MAGI1: variants seen among roughly 807,000 people sequenced by gnomAD.
MAGI1 encodes membrane associated guanylate kinase, WW and PDZ domain containing 1, also known as membrane-associated guanylate kinase, WW and PDZ domain-containing protein 1.
Under a neutral mutation model 139.9 loss-of-function variants are expected in MAGI1, and 58 were observed. The observed-to-expected ratio is 0.41, with a 90% CI of 0.34 to 0.52. The LOEUF is 0.52. Ranked by LOEUF, MAGI1 falls within the 20% of genes least tolerant of loss-of-function variation. MAGI1 has a pLI of 0.12. For synonymous variants in MAGI1, 812 were observed against 737.9 expected, an observed-to-expected ratio of 1.10 and a Z score of -1.63; for missense variants, 1,874 against 1,901.6, an observed-to-expected ratio of 0.99 and a Z score of 0.27.
chr3:66,002,640 G>A (rs528777507), intron 1 of MAGI1, among the ~76,000 whole-genome samples: 6 of 152,074 alleles, frequency 3.9e-5, no homozygotes, highest in Middle Eastern at 3.4e-3. Context: ...TGAGCCTCCC[G>A]AGTAGCTGGG....
chr3:65,988,259 C>T (rs962964328), intron 1 of MAGI1, among the ~76,000 whole-genome samples: 4 of 151,998 alleles, frequency 2.6e-5, no homozygotes, highest in Non-Finnish European at 5.9e-5. Context: ...TATTTTTTTT[C>T]ATTCAACACA....
In MAGI1 at chr3:65,379,388, G is replaced by T; in HGVS notation, c.2868C>A (p.Gly956=). 2 of 1,612,484 alleles carry T rather than the reference G, an allele frequency of 1.2e-6. No homozygotes were observed. Among genetic ancestry groups the T allele is most frequent in the Non-Finnish European group, 1.7e-6 (2 of 1,179,138 alleles). The change falls in exon 17 of 23, where the codon GGC becomes GGA. Residue 956 remains glycine (G), a synonymous_variant. Transcript: ENST00000402939. ...GSTSGIGSGG[G]GGSGVVSTVV... ...CGGTGCTGACCACGCCGCTGCCCCC[G>T]CCGCCGCCACTGCCGATGCCGCTGG... is the stretch of plus-strand genomic sequence containing the variant.
At chr3:65,648,103 T>C (rs1258533318) in intron 1 of MAGI1, among the ~76,000 whole-genome samples, 6 of 151,992 alleles carry the variant, frequency 3.9e-5, no homozygotes, top group Non-Finnish European at 7.4e-5. Flanking sequence ...AATAAGTGAA[T>C]GCAGAAAAGT....
intron 1 of MAGI1, among the ~76,000 whole-genome samples, chr3:66,035,990 C>T (rs2068896147): frequency 1.3e-5 from 2 of 152,176 alleles, no homozygotes; most frequent in African/African-American, 4.8e-5. Context: ...CTATTCAGGA[C>T]CCGTTAGACA....
intron 1 of MAGI1, among the ~76,000 whole-genome samples, chr3:65,925,750 G>A (rs777217478): frequency 6.6e-6 from 1 of 152,092 alleles, no homozygotes; most frequent in Non-Finnish European, 1.5e-5. Context: ...GGCAATGTTG[G>A]CTCACTGCAA....
intron 2 of MAGI1, among the ~76,000 whole-genome samples, chr3:65,531,184 C>A (rs1374692637): frequency 6.6e-6 from 1 of 151,810 alleles, no homozygotes; most frequent in Non-Finnish European, 1.5e-5. Flanking sequence ...AAAAAATCAA[C>A]CCCAAATGCT....
At chr3:65,364,484 G>T (rs572758910) in intron 20 of MAGI1, among the ~76,000 whole-genome samples, 181 bp downstream of exon 20, 6 of 152,178 alleles carry the variant, frequency 3.9e-5, no homozygotes, top group Non-Finnish European at 5.9e-5. Context: ...AATATTTTAA[G>T]GTAGTAAAAT....
At position 65,356,396 on chromosome 3, in the gene MAGI1, G is replaced by A; in HGVS notation, c.4371C>T (p.Ser1457=). The change falls in exon 23 of 23, where the codon AGC becomes AGT. Residue 1457 remains serine, a synonymous_variant. Transcript: ENST00000402939. ...CAGCGTCTCAGATACTGAGGTCGGT[G>A]CTACATTCTTTGTAAGGTCGCCTTC... ...EQRRRPYKEC[S]TDLSI 1 of 1,599,126 alleles carries A rather than the reference G, an allele frequency of 6.3e-7. No homozygotes were observed.
intron 3 of MAGI1, among the ~76,000 whole-genome samples, chr3:65,490,919 C>G (rs2107659957): frequency 6.6e-6 from 1 of 150,970 alleles, no homozygotes; most frequent in South Asian, 2.1e-4. Flanking sequence ...TGCTAATAGG[C>G]CAAAGGCTGA....
intron 1 of MAGI1, among the ~76,000 whole-genome samples, chr3:65,629,788 T>C (rs2084185062): frequency 6.6e-6 from 1 of 152,158 alleles, no homozygotes; most frequent in Non-Finnish European, 1.5e-5. Context: ...TATAAATCAC[T>C]GGAGAGTTAC....
chr3:65,942,218 G>GAA (rs200308984), intron 1 of MAGI1, among the ~76,000 whole-genome samples: 5 of 140,936 alleles, frequency 3.5e-5, no homozygotes, highest in Non-Finnish European at 6.2e-5. Context: ...ACCATTTGCA[G>GAA]AAAAAAAAAA....
intron 2 of MAGI1, among the ~76,000 whole-genome samples, chr3:65,498,330 A>T (rs533153376): frequency 6.6e-6 from 1 of 151,786 alleles, no homozygotes; most frequent in South Asian, 2.1e-4. Context: ...GATTTTCCTT[A>T]GCCTACAATA....
At chr3:65,670,668 G>A (rs933667747) in intron 1 of MAGI1, among the ~76,000 whole-genome samples, 1 of 151,854 alleles carries the variant, frequency 6.6e-6, no homozygotes, top group Non-Finnish European at 1.5e-5. Flanking sequence ...TCTTTCTCTG[G>A]GATCATGTTT....
chr3:65,938,475 G>A (rs1244435860), intron 1 of MAGI1, among the ~76,000 whole-genome samples: 1 of 151,788 alleles, frequency 6.6e-6, no homozygotes, highest in African/African-American at 2.4e-5. Flanking sequence ...TTTGCAGGCT[G>A]GAGATGGACA....
rs1560045551 is a variant in MAGI1, at chr3:65,950,069, A to AAAAAAAAC, written c.313+87926_313+87927insGTTTTTTT. Among the ~76,000 whole-genome samples the AAAAAAAAC allele has an allele frequency of 6.7e-3, 50 of 7,434 alleles. 1 individual carries two copies. The highest frequency in any genetic ancestry group is 0.029 in the Non-Finnish European group (41 of 1,422). The allele number at this position is 7,434 out of a possible 152,430, so 4.9% of individuals were successfully genotyped here. On this transcript the variant is annotated intron_variant, in intron 1 of 22. Transcript: ENST00000402939. ...CAAAAAAAAAAAAAACAAAAAAACA[A>AAAAAAAAC]AAAAAAAACAAAAAAAAAAACAAAC...
At chr3:65,456,582 C>T (rs1214567470) in intron 5 of MAGI1, among the ~76,000 whole-genome samples, 1 of 152,042 alleles carries the variant, frequency 6.6e-6, no homozygotes, top group African/African-American at 2.4e-5. Context: ...CTTTTGATGT[C>T]TCTTTGCCTA....
At chr3:65,817,403 CA>C (rs1298117562) in intron 1 of MAGI1, among the ~76,000 whole-genome samples, 5 of 152,004 alleles carry the variant, frequency 3.3e-5, no homozygotes, top group Non-Finnish European at 5.9e-5. Context: ...ATGGAGCTTG[CA>C]AAAAAGAAGA....
chr3:65,587,454 CATTTT>C (rs1321619071), intron 2 of MAGI1, among the ~76,000 whole-genome samples: 2 of 149,280 alleles, frequency 1.3e-5, no homozygotes, highest in Non-Finnish European at 3.0e-5. Context: ...ATTTCTTTGC[CATTTT>C]ATTTTATTAT....
chr3:65,538,476 T>C (rs1302256350), intron 2 of MAGI1, among the ~76,000 whole-genome samples: 1 of 152,184 alleles, frequency 6.6e-6, no homozygotes, highest in Non-Finnish European at 1.5e-5. Context: ...CAGCATTTTC[T>C]AAAACAAGTA....
Sources: gnomAD v4.1 joint callset for allele counts (sites outside exome capture counted in the v4.1 genomes callset) on GRCh38, gnomAD v4.1.1 for gene constraint, MANE v1.5 for transcripts, NCBI Gene and HGNC (gene_info 2026-07-23, HGNC 2026-07-21) for gene names.